IQGAP2: variants seen among roughly 807,000 people sequenced by gnomAD.
IQGAP2 encodes the protein ras GTPase-activating-like protein IQGAP2.
A neutral mutation model predicts 201.3 loss-of-function variants in IQGAP2; 173 were observed. The ratio of observed to expected loss-of-function variants is 0.86; its 90% CI spans 0.76 to 0.98. The LOEUF is 0.98. IQGAP2 is among the 50% of genes least tolerant of loss of function. The pLI, the probability that IQGAP2 is intolerant of heterozygous loss-of-function variation, is 0.00. For synonymous variants in IQGAP2, 675 were observed against 673.9 expected (o/e 1.00, Z -0.03); for missense variants, 1,687 against 1,864.8 (o/e 0.90, Z 1.76).
intron 35 of IQGAP2, among the ~76,000 whole-genome samples, chr5:76,703,787 AT>A (rs1747639208): frequency 6.6e-6 from 1 of 152,328 alleles, no homozygotes; most frequent in East Asian, 1.9e-4. Context: ...TGGAAATAAC[AT>A]CTTACCTGGG....
intron 10 of IQGAP2, among the ~76,000 whole-genome samples, chr5:76,600,399 C>T (rs957597197): frequency 1.3e-5 from 2 of 152,190 alleles, no homozygotes; most frequent in South Asian, 2.1e-4. Context: ...TCCCAACCTT[C>T]CCTTAACCCT....
intron 23 of IQGAP2, among the ~76,000 whole-genome samples, chr5:76,669,308 A>G (rs1744077770): frequency 6.6e-6 from 1 of 152,212 alleles, no homozygotes; most frequent in Non-Finnish European, 1.5e-5. Flanking sequence ...CAAGCATGAG[A>G]AATGTCCTTA....
chr5:76,576,563 G>C (rs1005597577), intron 5 of IQGAP2, among the ~76,000 whole-genome samples: 1 of 152,154 alleles, frequency 6.6e-6, no homozygotes, highest in African/African-American at 2.4e-5. Context: ...TTCATCACTA[G>C]AAGTCATTTT....
intron 2 of IQGAP2, among the ~76,000 whole-genome samples, chr5:76,519,795 A>G (rs1177276490): frequency 6.6e-6 from 1 of 152,202 alleles, no homozygotes; most frequent in East Asian, 1.9e-4. Context: ...TATTTTAGCT[A>G]TTTAAACTCC....
Position 76,671,687 on chromosome 5 carries a change from G to A in IQGAP2, c.2844-72G>A, listed in dbSNP as rs549590953. The stretch of plus-strand genomic sequence containing the variant: ...TGGGTGACAGAGCAAGACTGTCTCG[G>A]GGAAAAAAAAAAAAAAAAAAAATCT... On this transcript the variant is annotated intron_variant, in intron 23 of 35. Transcript: ENST00000274364. 67 of 969,152 alleles carry A rather than the reference G, an allele frequency of 6.9e-5. 1 individual carries two copies. In the South Asian group the frequency reaches 1.1e-3, roughly 16 times the overall value. The allele number at this position is 969,152 out of a possible 1,614,324, so 60.0% of individuals were successfully genotyped here.
chr5:76,452,351 A>G (rs958207369), intron 1 of IQGAP2, among the ~76,000 whole-genome samples: 1 of 151,264 alleles, frequency 6.6e-6, no homozygotes, highest in Non-Finnish European at 1.5e-5. Flanking sequence ...TTAACTCATC[A>G]TTTACATTAG....
chr5:76,431,902 C>A lies in IQGAP2; in HGVS notation c.46+28311C>A, dbSNP rs561109830. Among the ~76,000 whole-genome samples the A allele has an allele frequency of 2.0e-5, 3 of 151,276 alleles. No homozygotes were observed. The South Asian group carries it at 6.3e-4, about 32-fold the overall frequency. ...GGCAGTCTCCTCAGTGGCAGCAGTT[C>A]CTGGAATGTGTGGTGATTCCAAATG... On this transcript the variant is annotated intron_variant, in intron 1 of 35. Transcript: ENST00000274364.
chr5:76,654,532 ACT>A (rs1409918383), intron 19 of IQGAP2, among the ~76,000 whole-genome samples: 1 of 152,158 alleles, frequency 6.6e-6, no homozygotes, highest in Non-Finnish European at 1.5e-5. Context: ...CAAAGAGAAG[ACT>A]CTAGAGAAAT....
chr5:76,552,747 T>A (rs1306116280), intron 2 of IQGAP2, among the ~76,000 whole-genome samples: 1 of 152,192 alleles, frequency 6.6e-6, no homozygotes, highest in African/African-American at 2.4e-5. Context: ...TCTTAGCATC[T>A]GAGACAACGT....
At chr5:76,439,846 G>A (rs1042726326) in intron 1 of IQGAP2, among the ~76,000 whole-genome samples, 1 of 152,086 alleles carries the variant, frequency 6.6e-6, no homozygotes, top group African/African-American at 2.4e-5. Context: ...GGCTATTTAT[G>A]TTCAATGTTA....
At chr5:76,593,673 C>G (rs1399626697) in intron 9 of IQGAP2, among the ~76,000 whole-genome samples, 1 of 152,142 alleles carries the variant, frequency 6.6e-6, no homozygotes, top group Admixed American at 6.5e-5. Context: ...TTTCCCTGGT[C>G]AATCTAGATA....
intron 9 of IQGAP2, among the ~76,000 whole-genome samples, chr5:76,595,178 A>C (rs9293690): frequency 0.27 from 40,250 of 149,408 alleles, 5,799 homozygotes; most frequent in South Asian, 0.47. Context: ...GGTTCAGCAA[A>C]TGCATTCCAT....
intron 1 of IQGAP2, among the ~76,000 whole-genome samples, chr5:76,428,883 A>G (rs1752170067): frequency 6.6e-6 from 1 of 150,764 alleles, no homozygotes; most frequent in Admixed American, 6.6e-5. Flanking sequence ...ACCTGAGGTC[A>G]GGAGTTCGAG....
intron 2 of IQGAP2, among the ~76,000 whole-genome samples, chr5:76,479,135 C>G (rs1755623680): frequency 6.6e-6 from 1 of 152,134 alleles, no homozygotes; most frequent in Admixed American, 6.6e-5. Context: ...TGCCTCAGGT[C>G]CCTGTCCTGC....
rs1220788456 is a variant in IQGAP2 at position 76,570,651 on chromosome 5, A to C, written c.375A>C (p.Leu125=). 6 of 1,611,322 alleles carry C rather than the reference A, an allele frequency of 3.7e-6. No individual in the cohort carries two copies. The highest frequency in any genetic ancestry group is 4.2e-6 in the Non-Finnish European group (5 of 1,177,600). ...TAAGAGCGATGGAGTCTATTGGTCT[A>C]CCCAAGGTAAGCCTTCACGCACTGG... The part of the protein sequence containing the change: ...QWLRAMESIG[L]PKIFYPETTD... Residue 125 remains leucine, a synonymous_variant, in exon 4 of 36, where the codon CTA becomes CTC. Transcript: ENST00000274364.
At chr5:76,598,332 G>C (rs1747182433) in intron 10 of IQGAP2, among the ~76,000 whole-genome samples, 1 of 151,980 alleles carries the variant, frequency 6.6e-6, no homozygotes. Flanking sequence ...ACAAATTAAA[G>C]TTCTAAGGAA....
intron 2 of IQGAP2, among the ~76,000 whole-genome samples, chr5:76,500,695 G>A (rs980809372): frequency 2.0e-5 from 3 of 152,070 alleles, no homozygotes; most frequent in Non-Finnish European, 2.9e-5. Flanking sequence ...TTCTGTTTAT[G>A]TAGTTTTATA....
chr5:76,414,722 A>C (rs2150074410), intron 1 of IQGAP2, among the ~76,000 whole-genome samples: 1 of 152,340 alleles, frequency 6.6e-6, no homozygotes, highest in Non-Finnish European at 1.5e-5. Context: ...GGGTCACGTG[A>C]GGCCCTTCCC....
At chr5:76,647,850 C>A (rs1561547785) in intron 17 of IQGAP2, among the ~76,000 whole-genome samples, 1 of 150,264 alleles carries the variant, frequency 6.7e-6, no homozygotes, top group African/African-American at 2.5e-5. Flanking sequence ...CACACACACA[C>A]AAACGAAAAA....
Sources: gnomAD v4.1 joint callset for allele counts (sites outside exome capture counted in the v4.1 genomes callset) on GRCh38, gnomAD v4.1.1 for gene constraint, MANE v1.5 for transcripts, NCBI Gene and HGNC (gene_info 2026-07-23, HGNC 2026-07-21) for gene names.